Variants in ALDH1L1 observed in about 807,000 individuals in gnomAD.
ALDH1L1 encodes aldehyde dehydrogenase 1 family member L1.
A neutral mutation model predicts 101.1 loss-of-function variants in ALDH1L1; 68 were observed. The ratio of observed to expected loss-of-function variants is 0.67; its 90% CI spans 0.55 to 0.82. The LOEUF (loss-of-function observed/expected upper bound fraction) is 0.82. ALDH1L1 is among the 40% of genes least tolerant of loss of function. The pLI is 0.00. For missense variants in ALDH1L1, 1,087 were observed against 1,172.7 expected, an observed-to-expected ratio of 0.93 and a Z score of 1.07; for synonymous variants, 486 against 470.8, an observed-to-expected ratio of 1.03 and a Z score of -0.42.
Position 126,103,988 on chromosome 3 carries a change from G to A in ALDH1L1, c.2654-142C>T, listed in dbSNP as rs557752247. 1.5e-4 allele frequency: 132 copies of A among 890,324 alleles called. No homozygotes were observed. The African/African-American group carries it at 2.1e-3, about 14-fold the overall frequency. 55.2% of individuals were successfully genotyped at this position (890,324 alleles called of 1,614,324 possible). Reference sequence around the variant, plus strand: ...CAGGTGAGAAGTCGAGGCCCAGCGAGGTCATGAATCTTACCCAGGTTATCC... The same window carrying A: ...CAGGTGAGAAGTCGAGGCCCAGCGAAGTCATGAATCTTACCCAGGTTATCC... On this transcript the variant is annotated intron_variant, in intron 22 of 22. Transcript: ENST00000393434.
Position 126,155,452 on chromosome 3 carries a change from G to C in ALDH1L1, c.580C>G (p.Pro194Ala). The change falls in exon 5 of 23, where the codon CCT becomes GCT. Residue 194 changes from proline to alanine, a missense_variant. By Grantham distance (27) the Pro-to-Ala change is conservative. Transcript: ENST00000393434. The part of the protein sequence containing the change: ...AEGKAPRLPQ[P>A]EEGATYEGIQ... ...CCCTCATAGGTGGCTCCTTCCTCAG[G>C]CTGAGGGAGTCTGGGGGCTTTGCCC... The C allele has an allele frequency of 6.2e-7, 1 of 1,613,392 alleles. No individual in the cohort carries two copies. Among genetic ancestry groups the C allele is most frequent in the Non-Finnish European group, 8.5e-7 (1 of 1,179,764 alleles).
chr3:126,121,523 C>T (rs1258996984), intron 16 of ALDH1L1, among the ~76,000 whole-genome samples: 2 of 152,148 alleles, frequency 1.3e-5, no homozygotes, highest in Admixed American at 6.5e-5. Context: ...ACACAACCTG[C>T]TCAAAAGGCA....
chr3:126,180,797 T>G (rs2081463248), upstream of ALDH1L1: 1 of 1,503,892 alleles, frequency 6.6e-7, no homozygotes, highest in Non-Finnish European at 8.8e-7. Context: ...CAAGAAGACT[T>G]ACTGTGGACC....
At chr3:126,117,944 C>T (rs1032305912) in intron 17 of ALDH1L1, 61 bp downstream of exon 17, 1 of 1,481,572 alleles carries the variant, frequency 6.7e-7, no homozygotes. Context: ...TGGGACAGCA[C>T]TGCCATGTCC....
At chr3:126,120,528 G>T (rs899121301) in intron 16 of ALDH1L1, among the ~76,000 whole-genome samples, 1 of 152,190 alleles carries the variant, frequency 6.6e-6, no homozygotes, top group Admixed American at 6.5e-5. Context: ...TCTAATGGTA[G>T]ATGCAAGGGA....
intron 16 of ALDH1L1, among the ~76,000 whole-genome samples, chr3:126,122,984 C>T (rs2080107881): frequency 6.6e-6 from 1 of 152,028 alleles, no homozygotes; most frequent in Non-Finnish European, 1.5e-5. Context: ...GTAAAGTCTC[C>T]AGTCAAAAGG....
At chr3:126,126,482 C>T (rs1419485262) in intron 14 of ALDH1L1, among the ~76,000 whole-genome samples, 4 of 152,154 alleles carry the variant, frequency 2.6e-5, no homozygotes, top group African/African-American at 9.7e-5. Flanking sequence ...CTGGGTGTTT[C>T]CCCAAAAGAA....
chr3:126,192,035 T>G (rs1559987288), intron 1 of ALDH1L1, among the ~76,000 whole-genome samples: 1 of 152,198 alleles, frequency 6.6e-6, no homozygotes, highest in South Asian at 2.1e-4. Context: ...ATACTGACTC[T>G]CTTTCTCAGC....
chr3:126,150,617 C>T (rs978828203), intron 7 of ALDH1L1, 86 bp from the exon 8 acceptor site: 97 of 1,433,788 alleles, frequency 6.8e-5, no homozygotes, highest in Non-Finnish European at 8.6e-5. Context: ...TGCAGTGGTG[C>T]GATCTCGGCT....
Position 126,137,887 on chromosome 3 carries a change from A to C in ALDH1L1, c.1150T>G (p.Phe384Val). 6.2e-7 allele frequency: 1 copy of C among 1,614,182 alleles called. No individual in the cohort carries two copies. Among genetic ancestry groups the C allele is most frequent in the Non-Finnish European group, 8.5e-7 (1 of 1,180,020 alleles). ...ACTAACAGCTGGATGAAGTCCCCAA[A>C]GGTGGATGCCATGTACACATCTTCA... is the stretch of plus-strand genomic sequence containing the variant. ...ENEDVYMASTFGDFIQLLVRK... is the reference protein window; with the variant it reads ...ENEDVYMASTVGDFIQLLVRK... The change falls in exon 10 of 23, where the codon TTT (phenylalanine) becomes GTT (valine). Residue 384 changes from phenylalanine (F) to valine (V), a missense_variant. Around this residue, in one of 2 missense-constraint regions of ALDH1L1, gnomAD observed 645 missense variants for 637.0 expected, o/e 1.01. Transcript: ENST00000393434.
Position 126,117,406 on chromosome 3 carries a change from C to T in ALDH1L1, c.1982+599G>A, listed in dbSNP as rs866265779. On this transcript the variant is annotated intron_variant, in intron 17 of 22. Transcript: ENST00000393434. ...GTGGCTCACGTCAGTCATCCCAGCA[C>T]GGAGATGGGAGGCCGAGTCAGGTGG... is the stretch of plus-strand genomic sequence containing the variant. 3.0e-4 allele frequency among the ~76,000 whole-genome samples: 45 copies of T among 152,138 alleles called. 1 individual carries two copies. The highest frequency in any genetic ancestry group is 1.2e-3 in the East Asian group (6 of 5,166).
At chr3:126,189,094 G>A (rs2081537667) in intron 1 of ALDH1L1, among the ~76,000 whole-genome samples, 1 of 152,166 alleles carries the variant, frequency 6.6e-6, no homozygotes, top group South Asian at 2.1e-4. Context: ...TGGGCCAGAA[G>A]TCCAGCTCTA....
intron 16 of ALDH1L1, among the ~76,000 whole-genome samples, chr3:126,121,381 T>C (rs913989977): frequency 4.6e-5 from 7 of 152,198 alleles, no homozygotes; most frequent in African/African-American, 1.4e-4. Flanking sequence ...CAATTAGAAA[T>C]ATAAGAACGG....
chr3:126,165,859 AT>A (rs1559969531), intron 1 of ALDH1L1, among the ~76,000 whole-genome samples: 1 of 151,648 alleles, frequency 6.6e-6, no homozygotes, highest in Non-Finnish European at 1.5e-5. Context: ...GTTTATTTTT[AT>A]TTTTTTGAAA....
chr3:126,126,467 C>T (rs2080187515), intron 14 of ALDH1L1, among the ~76,000 whole-genome samples: 2 of 152,194 alleles, frequency 1.3e-5, no homozygotes, highest in Non-Finnish European at 2.9e-5. Flanking sequence ...ACCCCACCAC[C>T]ATCACTGGGT....
rs144794786 is a variant in ALDH1L1 at position 126,157,022 on chromosome 3, T to G, written c.528+321A>C. 1.9e-3 allele frequency among the ~76,000 whole-genome samples: 295 copies of G among 152,264 alleles called. 1 individual carries two copies. The highest frequency in any genetic ancestry group is 0.01 in the Middle Eastern group (3 of 292). ...AATAGAATCCTAACGATGTCATAATTGAAGCTCCTGGATTCAGCAGGGTGT... is the reference window on the plus strand; with the variant it reads ...AATAGAATCCTAACGATGTCATAATGGAAGCTCCTGGATTCAGCAGGGTGT... On this transcript the variant is annotated intron_variant, in intron 4 of 22. Coordinates refer to ENST00000393434, the MANE Select transcript of ALDH1L1 (RefSeq NM_012190.4).
chr3:126,120,734 T>C (rs1414794258), intron 16 of ALDH1L1, among the ~76,000 whole-genome samples: 1 of 152,160 alleles, frequency 6.6e-6, no homozygotes, highest in Non-Finnish European at 1.5e-5. Flanking sequence ...TTCTGCTCAA[T>C]TTTGCTATCA....
chr3:126,106,127 A>G lies in ALDH1L1; in HGVS notation c.2454-202T>C, dbSNP rs544268504. Among the ~76,000 whole-genome samples, 4 of 152,326 alleles carry G rather than the reference A, an allele frequency of 2.6e-5. No individual in the cohort carries two copies. The East Asian group carries it at 7.7e-4, about 29-fold the overall frequency. On this transcript the variant is annotated intron_variant, in intron 21 of 22. Transcript: ENST00000393434. ...GGCAGAGGCCCATGGGCAGGTGGCC[A>G]CCACAGGGGCTCCTGGATCATCGGG... is the stretch of plus-strand genomic sequence containing the variant.
At chr3:126,148,558 G>A (rs897906287) in intron 8 of ALDH1L1, among the ~76,000 whole-genome samples, 11 of 152,162 alleles carry the variant, frequency 7.2e-5, no homozygotes, top group African/African-American at 2.7e-4. Context: ...TGAGCAAGAG[G>A]CCTAATGATA....
Sources: gnomAD v4.1 joint callset for allele counts (sites outside exome capture counted in the v4.1 genomes callset) on GRCh38, gnomAD v4.1.1 for gene constraint, gnomAD v4.1.1 regional missense constraint, MANE v1.5 for transcripts, NCBI Gene and HGNC (gene_info 2026-07-23, HGNC 2026-07-21) for gene names.